The following SNX29 variants were observed in gnomAD, a reference collection of about 807,000 sequenced individuals.
SNX29 encodes sorting nexin 29, also known as sorting nexin-29.
In SNX29, 78 loss-of-function variants were observed where a neutral mutation model predicts 102.1. That is an observed-to-expected ratio of 0.76 (90% CI 0.64 to 0.92). The LOEUF is 0.92. Ranked by LOEUF, SNX29 falls within the 40% of genes least tolerant of loss-of-function variation. The pLI, the probability that SNX29 is intolerant of heterozygous loss-of-function variation, is 0.00. For missense variants in SNX29, 1,280 were observed against 1,061.7 expected (o/e 1.21, Z -2.86); for synonymous variants, 580 against 414.5 (o/e 1.40, Z -4.85).
chr16:12,222,935 T>G (rs2077516159), intron 14 of SNX29, among the ~76,000 whole-genome samples: 1 of 152,132 alleles, frequency 6.6e-6, no homozygotes, highest in Non-Finnish European at 1.5e-5. Flanking sequence ...GATATTATTC[T>G]CACTTTGAAA....
chr16:12,134,711 G>C (rs918575428), intron 13 of SNX29, among the ~76,000 whole-genome samples: 4 of 152,182 alleles, frequency 2.6e-5, no homozygotes, highest in Non-Finnish European at 5.9e-5. Flanking sequence ...ACACACAGTG[G>C]TGTGACTAGC....
At chr16:12,464,873 C>T (rs72773305) in intron 18 of SNX29, among the ~76,000 whole-genome samples, 169 of 152,252 alleles carry the variant, frequency 1.1e-3, no homozygotes, top group East Asian at 3.7e-3. Context: ...CTGCCAATAG[C>T]GTACAAGAGT....
intron 16 of SNX29, among the ~76,000 whole-genome samples, chr16:12,358,295 C>T (rs1047717601): frequency 2.6e-5 from 4 of 152,170 alleles, no homozygotes; most frequent in African/African-American, 7.2e-5. Flanking sequence ...CCATAATTCC[C>T]GTAGCCCTTG....
In SNX29 at chr16:12,547,176, T is replaced by G. The variant is rs1298005121; in HGVS notation, c.2319-21330T>G. ...TGCTGGGGATGTGCTGTTTATGGTC[T>G]AGGAAGATGACAGGGATAGTTTGAC... is the stretch of plus-strand genomic sequence containing the variant. On this transcript the variant is annotated intron_variant, in intron 20 of 20. Coordinates refer to ENST00000566228, the MANE Select transcript of SNX29 (RefSeq NM_032167.5). 4.6e-5 allele frequency among the ~76,000 whole-genome samples: 7 copies of G among 152,252 alleles called. No individual in the cohort carries two copies. In the South Asian group the frequency reaches 1.0e-3, roughly 23 times the overall value.
intron 13 of SNX29, among the ~76,000 whole-genome samples, chr16:12,142,005 C>T (rs543188245): frequency 6.6e-6 from 1 of 152,218 alleles, no homozygotes; most frequent in Non-Finnish European, 1.5e-5. Flanking sequence ...AACAATAGCA[C>T]TCATCATCCT....
intron 13 of SNX29, among the ~76,000 whole-genome samples, chr16:12,177,671 A>G (rs149253455): frequency 1.3e-3 from 203 of 152,300 alleles, no homozygotes; most frequent in African/African-American, 4.5e-3. Context: ...CACCTATGCA[A>G]TTCAGTGGTT....
chr16:12,017,321 T>C (rs1350273091), intron 3 of SNX29, among the ~76,000 whole-genome samples: 1 of 152,216 alleles, frequency 6.6e-6, no homozygotes, highest in Non-Finnish European at 1.5e-5. Flanking sequence ...TTGAGTATCT[T>C]TTCTTATATT....
chr16:12,284,944 T>C (rs1272421314), intron 15 of SNX29, among the ~76,000 whole-genome samples: 1 of 152,152 alleles, frequency 6.6e-6, no homozygotes, highest in Non-Finnish European at 1.5e-5. Flanking sequence ...CAGGCTGGTC[T>C]CGAACTCCTG....
intron 19 of SNX29, among the ~76,000 whole-genome samples, chr16:12,485,666 C>T (rs1186006051): frequency 5.3e-5 from 8 of 152,122 alleles, no homozygotes; most frequent in South Asian, 2.1e-4. Flanking sequence ...AAATGTGTAC[C>T]GAGTGCAGGG....
At chr16:12,556,903 A>C (rs1482442812) in intron 20 of SNX29, among the ~76,000 whole-genome samples, 1 of 150,714 alleles carries the variant, frequency 6.6e-6, no homozygotes, top group African/African-American at 2.5e-5. Context: ...CCTCACCTTG[A>C]GTGTAGTGGC....
At chr16:12,541,223 G>C (rs906633764) in intron 20 of SNX29, among the ~76,000 whole-genome samples, 1 of 152,162 alleles carries the variant, frequency 6.6e-6, no homozygotes, top group East Asian at 1.9e-4. Context: ...TGCATGGAGA[G>C]AAGGACTATG....
At chr16:12,044,894 C>T (rs928908626) in intron 5 of SNX29, among the ~76,000 whole-genome samples, 4 of 151,996 alleles carry the variant, frequency 2.6e-5, no homozygotes, top group East Asian at 1.9e-4. Context: ...TCCTTTTTTT[C>T]GAAGTGAATT....
intron 14 of SNX29, among the ~76,000 whole-genome samples, chr16:12,206,813 G>GTTTT: frequency 1.5e-5 from 1 of 67,804 alleles, no homozygotes; most frequent in African/African-American, 3.1e-5. Flanking sequence ...GGAATGAGGT[G>GTTTT]GTTTTTTTTT....
intron 16 of SNX29, among the ~76,000 whole-genome samples, chr16:12,395,301 C>G (rs1270130133): frequency 6.6e-6 from 1 of 152,132 alleles, no homozygotes; most frequent in Non-Finnish European, 1.5e-5. Flanking sequence ...GACTTCTTGT[C>G]TCTGTTCTGT....
chr16:11,986,298 G>T (rs910985317), intron 1 of SNX29, among the ~76,000 whole-genome samples: 12 of 148,978 alleles, frequency 8.1e-5, no homozygotes, highest in African/African-American at 2.7e-4. Flanking sequence ...TCCGAGGAGG[G>T]AAACTTGCCC....
chr16:12,026,631 A>G (rs2057197825), intron 3 of SNX29, among the ~76,000 whole-genome samples: 1 of 152,238 alleles, frequency 6.6e-6, no homozygotes, highest in Non-Finnish European at 1.5e-5. Context: ...TTAAATGCAC[A>G]GTAATTGTAA....
chr16:12,543,687 C>G (rs1009624866), intron 20 of SNX29, among the ~76,000 whole-genome samples: 1 of 152,192 alleles, frequency 6.6e-6, no homozygotes, highest in Non-Finnish European at 1.5e-5. Flanking sequence ...ACAAGCCAGT[C>G]GTATCAGAAA....
At chr16:12,510,069 A>G (rs1437730957) in intron 19 of SNX29, among the ~76,000 whole-genome samples, 1 of 152,208 alleles carries the variant, frequency 6.6e-6, no homozygotes, top group Non-Finnish European at 1.5e-5. Context: ...GTGACAGTGC[A>G]TCCCTGCACT....
At chr16:12,565,720 C>T (rs1193353872) in intron 20 of SNX29, among the ~76,000 whole-genome samples, 1 of 152,210 alleles carries the variant, frequency 6.6e-6, no homozygotes, top group Non-Finnish European at 1.5e-5. Flanking sequence ...CCGGGTCTGC[C>T]CGGCTACAAG....
Sources: allele counts gnomAD v4.1 joint callset (sites outside exome capture counted in the v4.1 genomes callset), GRCh38; gene constraint gnomAD v4.1.1; transcripts MANE v1.5; gene names NCBI Gene and HGNC (gene_info 2026-07-23, HGNC 2026-07-21).